The following MOCOS variants were observed in gnomAD, a reference collection of about 807,000 sequenced individuals.
MOCOS encodes molybdenum cofactor sulfurase, also known as human molybdenum cofactor sulfurase.
In MOCOS, 86 loss-of-function variants were observed where a neutral mutation model predicts 83.6. The observed-to-expected ratio is 1.03, with a 90% CI of 0.86 to 1.23. The LOEUF is 1.23. MOCOS is among the 50% of genes most tolerant of loss of function. The probability of loss-of-function intolerance (pLI) is 0.00; values close to 1 mark genes in which losing one functional copy is unlikely to be tolerated. For missense variants in MOCOS, 1,120 were observed against 1,126.9 expected (o/e 0.99, Z 0.09); for synonymous variants, 445 against 434.7 (o/e 1.02, Z -0.29).
chr18:36,198,554 C>G, intron 2 of MOCOS, 136 bp from the exon 3 acceptor site: 1 of 826,248 alleles, frequency 1.2e-6, no homozygotes, highest in Non-Finnish European at 2.1e-6. Flanking sequence ...GGATAGAAAT[C>G]TAGGAGTGGA....
chr18:36,251,384 G>A lies in MOCOS; in HGVS notation c.2164+101G>A, dbSNP rs182417234. On this transcript the variant is annotated intron_variant, in intron 11 of 14. Coordinates refer to ENST00000261326, the MANE Select transcript of MOCOS (RefSeq NM_017947.4). ...CTGCACTTACGGGTGACTTGCTGATGTATGGAAAGCAGGGGTCATCAGCCT... is the reference window on the plus strand; with the variant it reads ...CTGCACTTACGGGTGACTTGCTGATATATGGAAAGCAGGGGTCATCAGCCT... 129 of 1,484,070 alleles carry A rather than the reference G, an allele frequency of 8.7e-5. 1 individual carries two copies. In the Middle Eastern group the frequency reaches 1.6e-3, roughly 18 times the overall value. 91.9% of individuals were successfully genotyped at this position (1,484,070 alleles called of 1,614,324 possible).
chr18:36,237,618 C>T (rs1356352490), intron 9 of MOCOS, among the ~76,000 whole-genome samples: 1 of 152,072 alleles, frequency 6.6e-6, no homozygotes, highest in Non-Finnish European at 1.5e-5. Flanking sequence ...CTCTGCCTGG[C>T]TTTGGTATCA....
At chr18:36,198,796 GCAGA>G in intron 3 of MOCOS, 40 bp downstream of exon 3, 1 of 1,599,842 alleles carries the variant, frequency 6.3e-7, no homozygotes, top group Non-Finnish European at 8.6e-7. Flanking sequence ...GCATACCTAG[GCAGA>G]CAGACTTCCT....
chr18:36,199,560 C>A, intron 3 of MOCOS, 123 bp from the exon 4 acceptor site: 1 of 1,496,252 alleles, frequency 6.7e-7, no homozygotes, highest in Non-Finnish European at 9.1e-7. Flanking sequence ...AATTTCGCAG[C>A]TGTGGCAAAC....
chr18:36,213,361 C>T lies in MOCOS; in HGVS notation c.1219-5C>T, dbSNP rs368031726. 1.5e-4 allele frequency: 235 copies of T among 1,612,368 alleles called. No homozygotes were observed. The highest frequency in any genetic ancestry group is 1.8e-4 in the Admixed American group (11 of 60,010). On this transcript the variant is annotated splice_region_variant and splice_polypyrimidine_tract_variant and intron_variant, in intron 6 of 14. Transcript: ENST00000261326. ...GGCTCATTCCATGTTACATTAAATCCGCAGGTGGACAAAATGGCCAGTCTT... is the reference window on the plus strand; with the variant it reads ...GGCTCATTCCATGTTACATTAAATCTGCAGGTGGACAAAATGGCCAGTCTT...
At chr18:36,228,230 G>A (rs1008695159) in intron 9 of MOCOS, among the ~76,000 whole-genome samples, 1 of 152,166 alleles carries the variant, frequency 6.6e-6, no homozygotes, top group Non-Finnish European at 1.5e-5. Flanking sequence ...CACCGTTGGT[G>A]GGACTGTAAA....
At position 36,215,749 on chromosome 18, in the gene MOCOS, C is replaced by T; in HGVS notation, c.1569C>T (p.Val523=). Residue 523 remains valine (V), a synonymous_variant, in exon 8 of 15, where the codon GTC becomes GTT. Transcript: ENST00000261326. ...ADSQADVIPA[V]MGRRSLSPQE... ...GCCAGGCTGATGTTATACCTGCTGT[C>T]ATGGGCAGACGTAGCCTCTCGCCTC... 6.2e-7 allele frequency: 1 copy of T among 1,614,220 alleles called. No homozygotes were observed. Among genetic ancestry groups the T allele is most frequent in the Non-Finnish European group, 8.5e-7 (1 of 1,180,044 alleles).
chr18:36,240,098 GA>G (rs1327166108), intron 9 of MOCOS, among the ~76,000 whole-genome samples: 1 of 131,162 alleles, frequency 7.6e-6, no homozygotes, highest in Non-Finnish European at 1.6e-5. Flanking sequence ...CCGTAGCTCA[GA>G]GTAATTTGAT....
rs1248198621 is a variant in MOCOS at position 36,271,261 on chromosome 18, T to C, written c.*2576T>C. On this transcript the variant is annotated 3_prime_UTR_variant, in exon 15 of 15. Transcript: ENST00000261326. Reference sequence around the variant, plus strand: ...TCCATGAGGACAAGTCCTGTGCCAGTATATCTCTAGTGTCAGCAGACAATA... The same window carrying C: ...TCCATGAGGACAAGTCCTGTGCCAGCATATCTCTAGTGTCAGCAGACAATA... 2 of 152,184 alleles carry C rather than the reference T, an allele frequency of 1.3e-5. No individual in the cohort carries two copies. The highest frequency in any genetic ancestry group is 2.9e-5 in the Non-Finnish European group (2 of 68,026). The allele number at this position is 152,184 out of a possible 1,614,324, so 9.4% of individuals were successfully genotyped here. A position where few individuals can be genotyped will look rare whatever the true frequency, so the allele number is the denominator to read the frequency against.
intron 5 of MOCOS, 60 bp from the exon 6 acceptor site, chr18:36,205,016 AG>A: frequency 8.0e-7 from 1 of 1,242,578 alleles, no homozygotes; most frequent in Non-Finnish European, 1.1e-6. Flanking sequence ...AAAAAAAAAA[AG>A]AGTGAATTGA....
chr18:36,256,509 G>T (rs192150589), intron 11 of MOCOS, among the ~76,000 whole-genome samples: 1 of 152,120 alleles, frequency 6.6e-6, no homozygotes, highest in Admixed American at 6.5e-5. Context: ...GAGTGCAGTG[G>T]TGTGATCTCG....
chr18:36,189,026 C>T (rs2091354871), intron 1 of MOCOS, among the ~76,000 whole-genome samples: 2 of 151,972 alleles, frequency 1.3e-5, no homozygotes, highest in Admixed American at 6.6e-5. Flanking sequence ...GCTCTCCATT[C>T]TTTGAAGCAA....
chr18:36,219,949 G>A, intron 8 of MOCOS, 106 bp from the exon 9 acceptor site: 1 of 1,377,432 alleles, frequency 7.3e-7, no homozygotes, highest in Non-Finnish European at 1.0e-6. Flanking sequence ...TCCAGTGTAG[G>A]TGCTGAATTC....
intron 10 of MOCOS, 143 bp from the exon 11 acceptor site, chr18:36,251,016 C>T: frequency 9.9e-7 from 1 of 1,008,278 alleles, no homozygotes; most frequent in Non-Finnish European, 1.5e-6. Flanking sequence ...AATCTCCTTG[C>T]AGCATCTGTC....
intron 9 of MOCOS, among the ~76,000 whole-genome samples, chr18:36,223,326 A>C (rs114557728): frequency 0.016 from 2,446 of 152,258 alleles, 75 homozygotes; most frequent in African/African-American, 0.056. Flanking sequence ...AGTTTTCCCA[A>C]CACCATTTGT....
chr18:36,252,598 C>T (rs2091626209), intron 11 of MOCOS, among the ~76,000 whole-genome samples: 1 of 152,042 alleles, frequency 6.6e-6, no homozygotes, highest in Admixed American at 6.5e-5. Context: ...GTGGCATGCA[C>T]CTGTAGTCCC....
chr18:36,262,717 T>C (rs567409259), intron 13 of MOCOS, among the ~76,000 whole-genome samples: 2 of 152,332 alleles, frequency 1.3e-5, no homozygotes, highest in Admixed American at 6.5e-5. Flanking sequence ...CAGACTGGTT[T>C]CAACCTCCTG....
In MOCOS at chr18:36,237,945, G is replaced by A. The variant is rs1397719569; in HGVS notation, c.1961-10977G>A. On this transcript the variant is annotated intron_variant, in intron 9 of 14. Transcript: ENST00000261326. ...AGAGGTGTTTGTAGTATTCTCTGACGGTAGTTTGTATTTCTGTGGGATTGG... is the reference window on the plus strand; with the variant it reads ...AGAGGTGTTTGTAGTATTCTCTGACAGTAGTTTGTATTTCTGTGGGATTGG... Among the ~76,000 whole-genome samples the A allele has an allele frequency of 3.3e-5, 5 of 151,886 alleles. No homozygotes were observed. In the South Asian group the frequency reaches 8.3e-4, roughly 25 times the overall value.
intron 13 of MOCOS, among the ~76,000 whole-genome samples, chr18:36,266,346 G>GGCTGGTCCTGAACT (rs1222459891): frequency 1.3e-5 from 2 of 152,040 alleles, no homozygotes; most frequent in African/African-American, 4.8e-5. Flanking sequence ...ATGATGTCCA[G>GGCTGGTCCTGAACT]GCTGGTCCTG....
Sources: allele counts gnomAD v4.1 joint callset (sites outside exome capture counted in the v4.1 genomes callset), GRCh38; gene constraint gnomAD v4.1.1; transcripts MANE v1.5; gene names NCBI Gene and HGNC (gene_info 2026-07-23, HGNC 2026-07-21).